The following SSBP2 variants were observed in gnomAD, a reference collection of about 807,000 sequenced individuals.
The protein encoded by SSBP2 is single-stranded DNA-binding protein 2.
In SSBP2, 17 loss-of-function variants were observed where a neutral mutation model predicts 61.8. The observed-to-expected ratio is 0.28, with a 90% CI of 0.19 to 0.41. The LOEUF is 0.41. Among genes scored for constraint, SSBP2 ranks in the 10% least tolerant of loss-of-function variants. The pLI is 1.00. For missense variants in SSBP2, 310 were observed against 458.7 expected, an observed-to-expected ratio of 0.68 and a Z score of 2.96; for synonymous variants, 139 against 141.3, an observed-to-expected ratio of 0.98 and a Z score of 0.12.
upstream of SSBP2, chr5:81,751,747 C>G (rs1369079883): frequency 6.6e-6 from 1 of 152,310 alleles, no homozygotes; most frequent in African/African-American, 2.4e-5. Context: ...TGGCGAGGGA[C>G]ACCCGCGCGG....
At chr5:81,539,251 G>A (rs977318886) in intron 4 of SSBP2, among the ~76,000 whole-genome samples, 1 of 152,222 alleles carries the variant, frequency 6.6e-6, no homozygotes, top group African/African-American at 2.4e-5. Context: ...AGTGGAAATA[G>A]AGGGAGAACA....
In SSBP2 at chr5:81,428,570, C is replaced by T; in HGVS notation, c.1056+15G>A. 6.3e-7 allele frequency: 1 copy of T among 1,599,396 alleles called. No individual in the cohort carries two copies. The highest frequency in any genetic ancestry group is 8.6e-7 in the Non-Finnish European group (1 of 1,167,290). On this transcript the variant is annotated intron_variant, in intron 16 of 16. Coordinates refer to ENST00000320672, the MANE Select transcript of SSBP2 (RefSeq NM_012446.5). The stretch of plus-strand genomic sequence containing the variant: ...AAATAAAATTTGAGTATAATATAGT[C>T]AAGGGAATACTTACACTCTCACTCT...
chr5:81,716,429 T>A (rs1304150710), intron 1 of SSBP2, among the ~76,000 whole-genome samples: 1 of 152,208 alleles, frequency 6.6e-6, no homozygotes, highest in East Asian at 1.9e-4. Context: ...CATTAATGCA[T>A]GCTTACATAA....
At chr5:81,432,729 G>C (rs980231750) in intron 15 of SSBP2, among the ~76,000 whole-genome samples, 1 of 152,206 alleles carries the variant, frequency 6.6e-6, no homozygotes, top group African/African-American at 2.4e-5. Context: ...CTGGGCGACA[G>C]AGCGAGACTC....
intron 6 of SSBP2, among the ~76,000 whole-genome samples, chr5:81,476,615 T>C (rs1214142953): frequency 6.6e-6 from 1 of 152,196 alleles, no homozygotes; most frequent in Non-Finnish European, 1.5e-5. Context: ...CCACTACTGG[T>C]GATGGTAACC....
intron 4 of SSBP2, among the ~76,000 whole-genome samples, chr5:81,607,872 G>A (rs1309295528): frequency 6.6e-6 from 1 of 152,090 alleles, no homozygotes; most frequent in Non-Finnish European, 1.5e-5. Flanking sequence ...TGCAGAGTTC[G>A]AGCTGGAAGC....
chr5:81,727,707 A>G (rs1476220866), intron 1 of SSBP2, among the ~76,000 whole-genome samples: 3 of 152,264 alleles, frequency 2.0e-5, no homozygotes, highest in African/African-American at 7.2e-5. Context: ...TTGATAACTC[A>G]TAATTCATTC....
In SSBP2 at chr5:81,459,799, T is replaced by C. The variant is rs1764415710; in HGVS notation, c.687+1256A>G. 1.3e-5 allele frequency among the ~76,000 whole-genome samples: 2 copies of C among 152,308 alleles called. 1 individual carries two copies. Among genetic ancestry groups the C allele is most frequent in the Middle Eastern group, 6.8e-3 (2 of 294 alleles). ...TAAGAAGCTAATAGATCATAAGAAG[T>C]AAACTCTTGTAAAGCATGTAAGCAA... On this transcript the variant is annotated intron_variant, in intron 10 of 16. Transcript: ENST00000320672.
intron 4 of SSBP2, among the ~76,000 whole-genome samples, chr5:81,537,659 C>T (rs930940469): frequency 6.6e-6 from 1 of 152,104 alleles, no homozygotes; most frequent in Non-Finnish European, 1.5e-5. Context: ...AATACTTTAT[C>T]ATTATATCTG....
At chr5:81,616,996 T>TG (rs1746128766) in intron 3 of SSBP2, among the ~76,000 whole-genome samples, 1 of 113,938 alleles carries the variant, frequency 8.8e-6, no homozygotes, top group Admixed American at 9.2e-5. Context: ...ACCACAAAGA[T>TG]GGGGAAAAAA....
chr5:81,511,089 T>C (rs1044807458), intron 5 of SSBP2, among the ~76,000 whole-genome samples: 3 of 152,144 alleles, frequency 2.0e-5, no homozygotes, highest in Admixed American at 6.5e-5. Flanking sequence ...TAAATTATTT[T>C]CCCTCTTCCT....
At chr5:81,629,656 T>C (rs1410000594) in intron 3 of SSBP2, among the ~76,000 whole-genome samples, 1 of 152,232 alleles carries the variant, frequency 6.6e-6, no homozygotes, top group Non-Finnish European at 1.5e-5. Context: ...CCTGTGTTGC[T>C]ATTATAACCA....
intron 6 of SSBP2, among the ~76,000 whole-genome samples, chr5:81,483,891 T>C (rs1031153516): frequency 5.9e-5 from 9 of 152,126 alleles, no homozygotes; most frequent in African/African-American, 1.4e-4. Flanking sequence ...ATTAATTTAA[T>C]TAAAAATTTA....
chr5:81,657,780 T>C (rs1052034273), intron 1 of SSBP2, among the ~76,000 whole-genome samples: 2 of 152,234 alleles, frequency 1.3e-5, no homozygotes, highest in South Asian at 4.1e-4. Flanking sequence ...AAATCTCTGG[T>C]TTATTTTCTG....
chr5:81,689,396 G>A lies in SSBP2; in HGVS notation c.63-39057C>T, dbSNP rs189976825. On this transcript the variant is annotated intron_variant, in intron 1 of 16. Transcript: ENST00000320672. ...TATAGAACACTAAGCATATTTAACC[G>A]AAATAAGACTATCTCAAGGCATCTA... Among the ~76,000 whole-genome samples the A allele has an allele frequency of 3.0e-3, 452 of 151,974 alleles. 5 individuals carry two copies. Among genetic ancestry groups the A allele is most frequent in the East Asian group, 0.011 (59 of 5,168 alleles).
At chr5:81,424,898 G>T (rs766693525) in intron 16 of SSBP2, among the ~76,000 whole-genome samples, 10 of 152,272 alleles carry the variant, frequency 6.6e-5, no homozygotes, top group Non-Finnish European at 1.3e-4. Flanking sequence ...ATCAATATGT[G>T]ATGACATATT....
chr5:81,439,840 T>A (rs1762912080), intron 14 of SSBP2, among the ~76,000 whole-genome samples: 1 of 151,806 alleles, frequency 6.6e-6, no homozygotes. Flanking sequence ...CCTGGCTAAT[T>A]TTTTGTATTT....
rs35687529 is a variant in SSBP2 at position 81,623,331 on chromosome 5, C to CTTT, written c.198-7777_198-7775dup. Among the ~76,000 whole-genome samples, 669 of 110,558 alleles carry CTTT rather than the reference C, an allele frequency of 6.1e-3. 15 individuals are homozygous for CTTT. Among genetic ancestry groups the CTTT allele is most frequent in the East Asian group, 0.01 (36 of 3,524 alleles). The allele number at this position is 110,558 out of a possible 152,430, so 72.5% of individuals were successfully genotyped here. A position where few individuals can be genotyped will look rare whatever the true frequency, so the allele number is the denominator to read the frequency against. On this transcript the variant is annotated intron_variant, in intron 3 of 16. Transcript: ENST00000320672. Reference sequence around the variant, plus strand: ...TTACTTTTATAATTCCATTGTAGTACTTTTTTTTTTTTTTTTTTTTTTGAG... The same window carrying CTTT: ...TTACTTTTATAATTCCATTGTAGTACTTTTTTTTTTTTTTTTTTTTTTTTTGAG...
chr5:81,545,834 T>C (rs1467840860), intron 4 of SSBP2, among the ~76,000 whole-genome samples: 1 of 152,186 alleles, frequency 6.6e-6, no homozygotes, highest in African/African-American at 2.4e-5. Flanking sequence ...GAAAAACTGA[T>C]TTATAAAAAG....
Sources: allele counts gnomAD v4.1 joint callset (sites outside exome capture counted in the v4.1 genomes callset), GRCh38; gene constraint gnomAD v4.1.1; transcripts MANE v1.5; gene names NCBI Gene and HGNC (gene_info 2026-07-23, HGNC 2026-07-21).